Variants in PPP1R42 observed in about 807,000 individuals in gnomAD.
PPP1R42 encodes protein phosphatase 1 regulatory subunit 42, also known as leucine rich repeat containing 67.
PPP1R42 carries 34 observed loss-of-function variants against 31.0 expected under a neutral mutation model. That is an observed-to-expected ratio of 1.10 (90% CI 0.83 to 1.46). PPP1R42 has a LOEUF of 1.46. Ranked by LOEUF, PPP1R42 falls within the 40% of genes most tolerant of loss-of-function variation. The probability of loss-of-function intolerance (pLI) is 0.00; values close to 1 mark genes in which losing one functional copy is unlikely to be tolerated. For synonymous variants in PPP1R42, 103 were observed against 109.8 expected (o/e 0.94, Z 0.39); for missense variants, 268 against 303.0 (o/e 0.88, Z 0.86).
chr8:67,011,630 A>G (rs1224087995), intron 4 of PPP1R42, among the ~76,000 whole-genome samples: 2 of 152,230 alleles, frequency 1.3e-5, no homozygotes, highest in African/African-American at 4.8e-5. Context: ...ACCTGTCTAT[A>G]TGGTTTTCTC....
At chr8:66,986,798 TAGAA>T (rs1815032096) in intron 6 of PPP1R42, among the ~76,000 whole-genome samples, 1 of 152,244 alleles carries the variant, frequency 6.6e-6, no homozygotes, top group South Asian at 2.1e-4. Context: ...GCCTTTCTGA[TAGAA>T]AGTAAATACT....
At chr8:67,010,891 C>T in intron 4 of PPP1R42, 60 bp from the exon 5 acceptor site, 1 of 1,409,238 alleles carries the variant, frequency 7.1e-7, no homozygotes, top group East Asian at 2.5e-5. Context: ...ATATAGGAAC[C>T]AGAAATCCTA....
At chr8:67,016,149 A>C (rs1302517491) in intron 2 of PPP1R42, among the ~76,000 whole-genome samples, 1 of 152,206 alleles carries the variant, frequency 6.6e-6, no homozygotes, top group Admixed American at 6.5e-5. Flanking sequence ...AGGAAACCAG[A>C]AAGGGATCTA....
At chr8:67,014,042 T>TA (rs1241088111) in intron 3 of PPP1R42, among the ~76,000 whole-genome samples, 3 of 152,348 alleles carry the variant, frequency 2.0e-5, no homozygotes, top group African/African-American at 7.2e-5. Flanking sequence ...GAAAGGCACA[T>TA]AACTCATCTG....
intron 4 of PPP1R42, among the ~76,000 whole-genome samples, chr8:67,012,086 A>C (rs1815858375): frequency 6.6e-6 from 1 of 152,056 alleles, no homozygotes; most frequent in Non-Finnish European, 1.5e-5. Flanking sequence ...AAATACAAAA[A>C]TTAGCCAGGC....
chr8:66,997,530 C>T (rs1407148905), intron 5 of PPP1R42, among the ~76,000 whole-genome samples: 1 of 150,130 alleles, frequency 6.7e-6, no homozygotes, highest in Non-Finnish European at 1.5e-5. Flanking sequence ...AGATGTGAGC[C>T]ACTGTGCCTG....
intron 7 of PPP1R42, among the ~76,000 whole-genome samples, chr8:66,972,797 A>G (rs1468036358): frequency 6.6e-6 from 1 of 152,194 alleles, no homozygotes; most frequent in Non-Finnish European, 1.5e-5. Context: ...TTTAGTTATA[A>G]AAATTGTTTA....
chr8:66,977,225 G>A (rs1293123545), intron 7 of PPP1R42, among the ~76,000 whole-genome samples: 2 of 151,768 alleles, frequency 1.3e-5, no homozygotes, highest in South Asian at 2.1e-4. Context: ...TAGTAGAGAC[G>A]AGGTTTCACC....
intron 7 of PPP1R42, among the ~76,000 whole-genome samples, chr8:66,973,113 C>T (rs958047665): frequency 2.6e-5 from 4 of 152,050 alleles, no homozygotes; most frequent in Admixed American, 6.6e-5. Flanking sequence ...TCTTCCCTTG[C>T]CCCCTCTTCT....
chr8:66,988,132 TTATGAC>T (rs1396192990), intron 6 of PPP1R42: 4 of 1,067,368 alleles, frequency 3.7e-6, no homozygotes, highest in Non-Finnish European at 4.5e-6. Context: ...TTCTACACAT[TTATGAC>T]TAACCATTTT....
chr8:66,985,976 G>C (rs114740318), intron 6 of PPP1R42: 7 of 744,886 alleles, frequency 9.4e-6, no homozygotes, highest in African/African-American at 5.2e-5. Context: ...TTCTGCTTCC[G>C]TCACTGCTAG....
intron 1 of PPP1R42, among the ~76,000 whole-genome samples, chr8:67,024,935 AT>A (rs111426449): frequency 0.093 from 12,468 of 133,682 alleles, 789 homozygotes; most frequent in African/African-American, 0.19. Flanking sequence ...TAGGATTTTA[AT>A]TTTTTTTTTT....
At chr8:66,971,113 A>G (rs1177072601) in intron 7 of PPP1R42, 1 of 1,529,130 alleles carries the variant, frequency 6.5e-7, no homozygotes, top group South Asian at 1.2e-5. Context: ...ATAAACAGGA[A>G]CTATATGATG....
intron 7 of PPP1R42, among the ~76,000 whole-genome samples, chr8:66,978,765 A>G (rs891461583): frequency 6.6e-6 from 1 of 152,136 alleles, no homozygotes; most frequent in African/African-American, 2.4e-5. Flanking sequence ...CCTAACTGGG[A>G]TGAGATGACA....
chr8:66,983,767 A>G (rs1257675902), intron 6 of PPP1R42, among the ~76,000 whole-genome samples: 18 of 152,256 alleles, frequency 1.2e-4, no homozygotes, highest in Admixed American at 1.0e-3. Context: ...AATATAAACT[A>G]GAACCACAGA....
At chr8:66,991,604 T>A (rs974650739) in intron 5 of PPP1R42, among the ~76,000 whole-genome samples, 2 of 152,206 alleles carry the variant, frequency 1.3e-5, no homozygotes, top group African/African-American at 2.4e-5. Flanking sequence ...CTGCCTTTGA[T>A]TTCACACTTT....
intron 6 of PPP1R42, chr8:66,984,436 A>G: frequency 7.7e-7 from 1 of 1,298,368 alleles, no homozygotes; most frequent in Non-Finnish European, 1.1e-6. Context: ...CCCTTCCACT[A>G]CTACCACGTT....
At chr8:66,972,718 G>A (rs1224443688) in intron 7 of PPP1R42, among the ~76,000 whole-genome samples, 1 of 152,116 alleles carries the variant, frequency 6.6e-6, no homozygotes, top group Non-Finnish European at 1.5e-5. Flanking sequence ...AGTAAATTAT[G>A]TAATCTATTT....
At chr8:67,014,381 T>G (rs1329939479) in intron 3 of PPP1R42, 45 bp downstream of exon 3, 1 of 1,213,386 alleles carries the variant, frequency 8.2e-7, no homozygotes. Flanking sequence ...GTAAGTACCA[T>G]AATCATAAAA....
Sources: allele counts gnomAD v4.1 joint callset (sites outside exome capture counted in the v4.1 genomes callset), GRCh38; gene constraint gnomAD v4.1.1; transcripts MANE v1.5; gene names NCBI Gene and HGNC (gene_info 2026-07-23, HGNC 2026-07-21).